The following MAP2K5 variants were observed in gnomAD, a reference collection of about 807,000 sequenced individuals.
The protein encoded by MAP2K5 is mitogen-activated protein kinase kinase 5, also known as dual specificity mitogen-activated protein kinase kinase 5.
MAP2K5 carries 49 observed loss-of-function variants against 83.1 expected under a neutral mutation model. That is an observed-to-expected ratio of 0.59 (90% CI 0.47 to 0.75). MAP2K5 has a LOEUF of 0.75. Among genes scored for constraint, MAP2K5 ranks in the 30% least tolerant of loss-of-function variants. The pLI is 0.00. For synonymous variants in MAP2K5, 202 were observed against 191.8 expected (o/e 1.05, Z -0.44); for missense variants, 457 against 557.5 (o/e 0.82, Z 1.82).
intron 1 of MAP2K5, 48 bp from the exon 2 acceptor site, chr15:67,549,986 C>T: frequency 7.1e-7 from 1 of 1,401,730 alleles, no homozygotes; most frequent in Non-Finnish European, 1.0e-6. Context: ...CACATGTTAG[C>T]AATAAAGAAG....
In MAP2K5 at chr15:67,601,372, C is replaced by T. The variant is rs551311855; in HGVS notation, c.545+623C>T. The stretch of plus-strand genomic sequence containing the variant: ...TAGTTCTCCGACAGGGAGGTCTTCT[C>T]ATGCAGTAGTGCAAAGTTTAAACTA... On this transcript the variant is annotated intron_variant, in intron 8 of 21. Transcript: ENST00000178640. 3.3e-5 allele frequency among the ~76,000 whole-genome samples: 5 copies of T among 152,320 alleles called. No homozygotes were observed. The South Asian group carries it at 1.0e-3, about 32-fold the overall frequency.
In MAP2K5 at chr15:67,677,044, C is replaced by T. The variant is rs567588943; in HGVS notation, c.847+12399C>T. Reference sequence around the variant, plus strand: ...GTTAAATGAGAGGGAATAGTTAGAACGTTCCTCACACTTTCCTGTTAACAT... The same window carrying T: ...GTTAAATGAGAGGGAATAGTTAGAATGTTCCTCACACTTTCCTGTTAACAT... On this transcript the variant is annotated intron_variant, in intron 13 of 21. Transcript: ENST00000178640. The surrounding 1 kb of genome is among the most constrained non-coding windows in gnomAD (Gnocchi z 4.2). Among the ~76,000 whole-genome samples, 27 of 152,270 alleles carry T rather than the reference C, an allele frequency of 1.8e-4. No homozygotes were observed. The highest frequency in any genetic ancestry group is 6.2e-4 in the South Asian group (3 of 4,828).
intron 8 of MAP2K5, among the ~76,000 whole-genome samples, chr15:67,602,919 T>C: frequency 6.6e-6 from 1 of 152,222 alleles, no homozygotes; most frequent in South Asian, 2.1e-4. Context: ...CCCAAAGTGC[T>C]GGGATTACAG....
chr15:67,667,758 G>A (rs1427224544), intron 13 of MAP2K5, among the ~76,000 whole-genome samples: 1 of 152,110 alleles, frequency 6.6e-6, no homozygotes, highest in Non-Finnish European at 1.5e-5. Context: ...ACTATTTCTC[G>A]CATTTATATG....
In MAP2K5 at chr15:67,604,270, A is replaced by G. The variant is rs533928736; in HGVS notation, c.545+3521A>G. On this transcript the variant is annotated intron_variant, in intron 8 of 21. Transcript: ENST00000178640. ...ACTAATTTGGGCTACATGGAACATA[A>G]AGGAAATACCTTAAAGTATGGCCCA... is the stretch of plus-strand genomic sequence containing the variant. 3.3e-5 allele frequency among the ~76,000 whole-genome samples: 5 copies of G among 152,394 alleles called. No individual in the cohort carries two copies. In the South Asian group the frequency reaches 1.0e-3, roughly 32 times the overall value.
At chr15:67,647,260 A>G (rs2086850101) in intron 11 of MAP2K5, among the ~76,000 whole-genome samples, 1 of 152,196 alleles carries the variant, frequency 6.6e-6, no homozygotes, top group African/African-American at 2.4e-5. Context: ...TGATACTGTC[A>G]TAAGGTGTAC....
rs560138197 is a variant in MAP2K5, at chr15:67,707,602, G to A, written c.1044+4194G>A. On this transcript the variant is annotated intron_variant, in intron 16 of 21. Transcript: ENST00000178640. ...CAGAGCTGAGGAGAGCCCACCTCTGGTAGAAAAGAAAGATACCCAAAGCCC... is the reference window on the plus strand; with the variant it reads ...CAGAGCTGAGGAGAGCCCACCTCTGATAGAAAAGAAAGATACCCAAAGCCC... 2.0e-5 allele frequency among the ~76,000 whole-genome samples: 3 copies of A among 152,178 alleles called. No individual in the cohort carries two copies. In the South Asian group the frequency reaches 6.2e-4, roughly 31 times the overall value.
Position 67,663,621 on chromosome 15 carries a change from C to T in MAP2K5, c.799-976C>T, listed in dbSNP as rs570629049. 2.0e-5 allele frequency among the ~76,000 whole-genome samples: 3 copies of T among 152,172 alleles called. No individual in the cohort carries two copies. The East Asian group carries it at 5.8e-4, about 29-fold the overall frequency. Reference sequence around the variant, plus strand: ...GGCATGGTGACTCCCACCTGTAGTCCCAGGGATTTGGGAGGCCGAGGCAGG... The same window carrying T: ...GGCATGGTGACTCCCACCTGTAGTCTCAGGGATTTGGGAGGCCGAGGCAGG... On this transcript the variant is annotated intron_variant, in intron 12 of 21. Transcript: ENST00000178640.
At chr15:67,727,895 A>C in intron 16 of MAP2K5, 21 bp from the exon 17 acceptor site, 1 of 1,601,436 alleles carries the variant, frequency 6.2e-7, no homozygotes, top group African/African-American at 1.3e-5. Context: ...ATAACTAGAC[A>C]AATATTATTT....
At chr15:67,754,825 C>A (rs2089800795) in intron 19 of MAP2K5, among the ~76,000 whole-genome samples, 1 of 152,008 alleles carries the variant, frequency 6.6e-6, no homozygotes, top group African/African-American at 2.4e-5. Context: ...CAAATGCATG[C>A]CAAAAAGCGT....
rs2589979 is a variant in MAP2K5, at chr15:67,577,146, G to A, written c.253-3608G>A. Reference sequence around the variant, plus strand: ...GAGACGGGGTTTCACCTTGTTAGCCGGGATGGTCTCGATCTCCTGACCTCA... The same window carrying A: ...GAGACGGGGTTTCACCTTGTTAGCCAGGATGGTCTCGATCTCCTGACCTCA... On this transcript the variant is annotated intron_variant, in intron 3 of 21. Transcript: ENST00000178640. The surrounding 1 kb of genome is among the most constrained non-coding windows in gnomAD (Gnocchi z 4.1). Among the ~76,000 whole-genome samples the A allele has an allele frequency of 7.7e-3, 1,162 of 151,528 alleles. 13 individuals carry two copies. Among genetic ancestry groups the A allele is most frequent in the African/African-American group, 0.024 (1,010 of 41,282 alleles).
At chr15:67,654,327 A>G (rs867561274) in intron 11 of MAP2K5, among the ~76,000 whole-genome samples, 6 of 152,048 alleles carry the variant, frequency 3.9e-5, no homozygotes, top group Non-Finnish European at 8.8e-5. Flanking sequence ...CTAAAAGTCT[A>G]TTTTTTCCAC....
At chr15:67,735,214 TG>T (rs1226465747) in intron 17 of MAP2K5, among the ~76,000 whole-genome samples, 1 of 152,152 alleles carries the variant, frequency 6.6e-6, no homozygotes, top group African/African-American at 2.4e-5. Context: ...AAACAGGAGG[TG>T]GGTTCCTAGT....
At chr15:67,645,055 C>A (rs1277055235) in intron 9 of MAP2K5, among the ~76,000 whole-genome samples, 1 of 151,782 alleles carries the variant, frequency 6.6e-6, no homozygotes, top group Non-Finnish European at 1.5e-5. Context: ...GGCTGAGACA[C>A]GAGAATCGCT....
Position 67,580,740 on chromosome 15 carries a change from T to C in MAP2K5, c.253-14T>C. 6.6e-7 allele frequency: 1 copy of C among 1,524,042 alleles called. No homozygotes were observed. Among genetic ancestry groups the C allele is most frequent in the Non-Finnish European group, 9.1e-7 (1 of 1,099,814 alleles). 94.4% of individuals were successfully genotyped at this position (1,524,042 alleles called of 1,614,324 possible). Reference sequence around the variant, plus strand: ...TACATTACTGAGTGATCTCTTTCTATAATCTCTTTGCAGTATTATTCCACA... The same window carrying C: ...TACATTACTGAGTGATCTCTTTCTACAATCTCTTTGCAGTATTATTCCACA... On this transcript the variant is annotated splice_polypyrimidine_tract_variant and intron_variant, in intron 3 of 21. Coordinates refer to ENST00000178640, the MANE Select transcript of MAP2K5 (RefSeq NM_145160.3).
intron 8 of MAP2K5, among the ~76,000 whole-genome samples, chr15:67,601,618 C>T (rs1469328098): frequency 6.6e-6 from 1 of 152,130 alleles, no homozygotes; most frequent in Non-Finnish European, 1.5e-5. Context: ...TATGTATTTC[C>T]AGAGTTGTAA....
At chr15:67,716,383 G>C (rs763443195) in intron 16 of MAP2K5, among the ~76,000 whole-genome samples, 3 of 152,136 alleles carry the variant, frequency 2.0e-5, no homozygotes, top group Non-Finnish European at 4.4e-5. Flanking sequence ...TATGCTAGGA[G>C]TAACTGAGTG....
chr15:67,753,822 C>T lies in MAP2K5; in HGVS notation c.1134+5221C>T, dbSNP rs576817499. ...CATTCATCAAAAAGCTAAAATAGAA[C>T]AATTAAATGACCCAGCAGTTCCACC... On this transcript the variant is annotated intron_variant, in intron 19 of 21. Coordinates refer to ENST00000178640, the MANE Select transcript of MAP2K5 (RefSeq NM_145160.3). Among the ~76,000 whole-genome samples the T allele has an allele frequency of 2.6e-5, 4 of 152,250 alleles. No homozygotes were observed. In the South Asian group the frequency reaches 8.3e-4, roughly 32 times the overall value.
chr15:67,797,174 G>A (rs2090619251), intron 21 of MAP2K5, among the ~76,000 whole-genome samples: 1 of 152,126 alleles, frequency 6.6e-6, no homozygotes, highest in African/African-American at 2.4e-5. Flanking sequence ...CTTCTTACAT[G>A]TTATCACAGT....
Sources: allele counts gnomAD v4.1 joint callset (sites outside exome capture counted in the v4.1 genomes callset), GRCh38; gene constraint gnomAD v4.1.1; non-coding constraint Gnocchi (gnomAD v3.1); transcripts MANE v1.5; gene names NCBI Gene and HGNC (gene_info 2026-07-23, HGNC 2026-07-21).